TRMT11: variants seen among roughly 807,000 people sequenced by gnomAD.
The protein encoded by TRMT11 is tRNA (guanine(10)-N(2))-methyltransferase TRMT11.
In TRMT11, 53 loss-of-function variants were observed where a neutral mutation model predicts 62.8. The ratio of observed to expected loss-of-function variants is 0.84; its 90% confidence interval spans 0.68 to 1.06. TRMT11 has a LOEUF of 1.06. TRMT11 is among the 50% of genes least tolerant of loss of function. TRMT11 has a pLI of 0.00. For synonymous variants in TRMT11, 188 were observed against 190.3 expected (o/e 0.99, Z 0.10); for missense variants, 556 against 553.4 (o/e 1.00, Z -0.05).
chr6:126,048,518 C>T (rs551893449), intron 16 of TRMT11, among the ~76,000 whole-genome samples: 9 of 152,288 alleles, frequency 5.9e-5, no homozygotes, highest in African/African-American at 2.2e-4. Flanking sequence ...CGGGGTCACT[C>T]ATATTGACAT....
intron 17 of TRMT11, among the ~76,000 whole-genome samples, chr6:126,055,679 GT>G (rs1162761336): frequency 5.9e-5 from 9 of 152,142 alleles, no homozygotes; most frequent in African/African-American, 2.2e-4. Flanking sequence ...AGGAATTGAC[GT>G]TTTTTCCCTT....
intron 7 of TRMT11, among the ~76,000 whole-genome samples, chr6:126,008,044 CT>C (rs1793624447): frequency 6.6e-6 from 1 of 151,890 alleles, no homozygotes; most frequent in Non-Finnish European, 1.5e-5. Flanking sequence ...TATAAACAGC[CT>C]TATATGCTCA....
At chr6:126,027,888 T>A (rs1773483407) in intron 12 of TRMT11, among the ~76,000 whole-genome samples, 1 of 152,196 alleles carries the variant, frequency 6.6e-6, no homozygotes, top group Admixed American at 6.5e-5. Context: ...CAGTATTTTT[T>A]TAAACAAAGG....
At chr6:126,204,947 C>T (rs1778775327), downstream of TRMT11, among the ~76,000 whole-genome samples, 1 of 152,184 alleles carries the variant, frequency 6.6e-6, no homozygotes, top group Non-Finnish European at 1.5e-5. Context: ...CACCTAGGAC[C>T]TTTTCCCTTT....
At chr6:125,995,808 T>C (rs1196065256) in intron 2 of TRMT11, among the ~76,000 whole-genome samples, 159 bp from the exon 3 acceptor site, 10 of 152,218 alleles carry the variant, frequency 6.6e-5, no homozygotes, top group Non-Finnish European at 1.3e-4. Context: ...CTAATTTACT[T>C]TTTTACTATT....
intron 17 of TRMT11, among the ~76,000 whole-genome samples, chr6:126,101,272 G>A (rs955953757): frequency 1.4e-4 from 21 of 152,058 alleles, no homozygotes; most frequent in African/African-American, 4.8e-4. Context: ...CGTGCTCTTA[G>A]GCAGACAAGA....
chr6:126,151,641 C>T, intron 21 of TRMT11, among the ~76,000 whole-genome samples: 1 of 152,078 alleles, frequency 6.6e-6, no homozygotes, highest in Admixed American at 6.6e-5. Flanking sequence ...TTCATAGTAT[C>T]CCCATCACCA....
chr6:126,143,353 G>A (rs1777940664), intron 21 of TRMT11, among the ~76,000 whole-genome samples: 1 of 152,018 alleles, frequency 6.6e-6, no homozygotes, highest in Admixed American at 6.6e-5. Context: ...TTTGAATGAA[G>A]ATAAATGGAA....
At chr6:126,121,439 G>A (rs1327453561) in intron 21 of TRMT11, among the ~76,000 whole-genome samples, 1 of 152,024 alleles carries the variant, frequency 6.6e-6, no homozygotes, top group Non-Finnish European at 1.5e-5. Context: ...AAGTTACCAG[G>A]GTGCTCTACC....
chr6:126,187,445 T>C (rs1778539575), intron 1 of TRMT11, among the ~76,000 whole-genome samples: 1 of 152,020 alleles, frequency 6.6e-6, no homozygotes, highest in South Asian at 2.1e-4. Context: ...ACAATGTTAC[T>C]TGGAGAAACT....
At chr6:126,209,598 C>T in the TRMT11 span, among the ~76,000 whole-genome samples, 11 of 150,520 alleles carry the variant, frequency 7.3e-5, no homozygotes, top group Non-Finnish European at 1.5e-4. Flanking sequence ...TGGTGGCGGG[C>T]GCCTGTAGTC....
intron 1 of TRMT11, among the ~76,000 whole-genome samples, chr6:126,182,363 C>T (rs1778476759): frequency 6.6e-6 from 1 of 150,536 alleles, no homozygotes; most frequent in Non-Finnish European, 1.5e-5. Context: ...ACTTGGGTAG[C>T]ATTTCTTCTT....
intron 21 of TRMT11, among the ~76,000 whole-genome samples, chr6:126,132,397 A>G (rs1583884472): frequency 6.6e-6 from 1 of 151,946 alleles, no homozygotes; most frequent in Non-Finnish European, 1.5e-5. Context: ...ATGACCTAAC[A>G]TTATTCAAGC....
the TRMT11 span, among the ~76,000 whole-genome samples, chr6:126,233,871 C>CA: frequency 6.6e-6 from 1 of 152,064 alleles, no homozygotes; most frequent in African/African-American, 2.4e-5. Context: ...CCTAGGGCCA[C>CA]AAAGTCATGA....
At chr6:126,118,910 T>A (rs2128194339) in intron 21 of TRMT11, among the ~76,000 whole-genome samples, 1 of 152,250 alleles carries the variant, frequency 6.6e-6, no homozygotes, top group South Asian at 2.1e-4. Context: ...CACTATTTAT[T>A]AATAAGCAGA....
At chr6:126,152,835 C>T (rs538664375) in intron 21 of TRMT11, among the ~76,000 whole-genome samples, 1 of 152,242 alleles carries the variant, frequency 6.6e-6, no homozygotes, top group East Asian at 1.9e-4. Flanking sequence ...GCTGTCCTTC[C>T]TCAGTCACTG....
At chr6:126,084,897 G>A (rs181962589) in intron 17 of TRMT11, among the ~76,000 whole-genome samples, 228 of 152,266 alleles carry the variant, frequency 1.5e-3, no homozygotes, top group African/African-American at 5.2e-3. Flanking sequence ...TAGAAACAGA[G>A]AGTAGAAGGG....
At chr6:126,131,932 A>G (rs1338080711) in intron 21 of TRMT11, among the ~76,000 whole-genome samples, 1 of 152,026 alleles carries the variant, frequency 6.6e-6, no homozygotes, top group East Asian at 1.9e-4. Flanking sequence ...ATGAGGATGC[A>G]TACTAATTAG....
chr6:126,021,171 A>G lies in TRMT11; in HGVS notation c.1151A>G (p.Glu384Gly), dbSNP rs1416363351. ...LPVYTPEYTE[E>G]MVPWHPCLEL... ...TGTTCTTTCTTCAGATACACTGAAG[A>G]GATGGTGCCTTGGCACCCTTGCCTG... The change falls in exon 12 of 13, where the codon GAG becomes GGG. Residue 384 changes from glutamate to glycine, a missense_variant. Physicochemically the swap from Glu to Gly is moderately conservative, Grantham distance 98 (BLOSUM62 -2). Coordinates refer to ENST00000334379, the MANE Select transcript of TRMT11 (RefSeq NM_001031712.3). 1 of 1,614,118 alleles carries G rather than the reference A, an allele frequency of 6.2e-7. No homozygotes were observed. Among genetic ancestry groups the G allele is most frequent in the Non-Finnish European group, 8.5e-7 (1 of 1,179,966 alleles).
Sources: gnomAD v4.1 joint callset for allele counts (sites outside exome capture counted in the v4.1 genomes callset) on GRCh38, gnomAD v4.1.1 for gene constraint, MANE v1.5 for transcripts, NCBI Gene and HGNC (gene_info 2026-07-23, HGNC 2026-07-21) for gene names.